The following CDK8 variants were observed in gnomAD, a reference collection of about 807,000 sequenced individuals.
The protein encoded by CDK8 is cyclin-dependent kinase 8.
CDK8 carries 29 observed loss-of-function variants against 71.5 expected under a neutral mutation model. The ratio of observed to expected loss-of-function variants is 0.41; its 90% CI spans 0.30 to 0.55. The LOEUF (loss-of-function observed/expected upper bound fraction) is 0.55. Ranked by LOEUF, CDK8 falls within the 20% of genes least tolerant of loss-of-function variation. CDK8 has a pLI of 0.37. For synonymous variants in CDK8, 161 were observed against 192.1 expected, an observed-to-expected ratio of 0.84 and a Z score of 1.34; for missense variants, 288 against 572.6, an observed-to-expected ratio of 0.50 and a Z score of 5.07.
At chr13:26,352,237 A>G (rs1173675149) in intron 3 of CDK8, among the ~76,000 whole-genome samples, 1 of 151,600 alleles carries the variant, frequency 6.6e-6, no homozygotes, top group Non-Finnish European at 1.5e-5. Context: ...TGTTTTTGAG[A>G]TGGAGTCTCG....
chr13:26,371,562 A>T (rs1340757347), intron 4 of CDK8, among the ~76,000 whole-genome samples: 1 of 152,198 alleles, frequency 6.6e-6, no homozygotes, highest in Non-Finnish European at 1.5e-5. Context: ...TACAGCAGAG[A>T]ACTAATGGTC....
intron 1 of CDK8, among the ~76,000 whole-genome samples, chr13:26,289,402 T>C (rs776864198): frequency 5.3e-5 from 8 of 152,180 alleles, no homozygotes; most frequent in Non-Finnish European, 1.0e-4. Flanking sequence ...TTTATTACAT[T>C]TATACGTAGG....
At chr13:26,277,475 T>C (rs1194098487) in intron 1 of CDK8, among the ~76,000 whole-genome samples, 1 of 152,184 alleles carries the variant, frequency 6.6e-6, no homozygotes, top group Non-Finnish European at 1.5e-5. Flanking sequence ...TCATAGTACC[T>C]TTTTACTTTT....
At chr13:26,386,886 C>T (rs573668116) in intron 6 of CDK8, among the ~76,000 whole-genome samples, 2 of 152,254 alleles carry the variant, frequency 1.3e-5, no homozygotes, top group South Asian at 4.1e-4. Context: ...GATTTCTCAT[C>T]CTTGTATTTC....
chr13:26,304,397 T>C (rs1386004181), intron 1 of CDK8, among the ~76,000 whole-genome samples: 1 of 152,188 alleles, frequency 6.6e-6, no homozygotes, highest in Non-Finnish European at 1.5e-5. Context: ...CTTTCATGCT[T>C]TCTATTTATC....
At chr13:26,320,877 G>T (rs1156244732) in intron 1 of CDK8, among the ~76,000 whole-genome samples, 1 of 152,196 alleles carries the variant, frequency 6.6e-6, no homozygotes, top group Non-Finnish European at 1.5e-5. Context: ...AATGACAGTT[G>T]TTGGCAAGAA....
chr13:26,357,972 CT>C, intron 4 of CDK8, among the ~76,000 whole-genome samples: 1 of 152,296 alleles, frequency 6.6e-6, no homozygotes, highest in African/African-American at 2.4e-5. Context: ...GACCAAACAT[CT>C]GGGCACTATG....
chr13:26,384,907 C>G (rs1471405096), intron 5 of CDK8, among the ~76,000 whole-genome samples: 3 of 152,174 alleles, frequency 2.0e-5, no homozygotes, highest in Non-Finnish European at 4.4e-5. Context: ...GCTCAACAAC[C>G]CTGTCCCTAA....
At chr13:26,380,417 G>A (rs1169984702) in intron 4 of CDK8, among the ~76,000 whole-genome samples, 2 of 152,058 alleles carry the variant, frequency 1.3e-5, no homozygotes, top group African/African-American at 2.4e-5. Context: ...CTGACCTCAG[G>A]CGACCCGCCC....
rs562547984 is a variant in CDK8 at position 26,307,255 on chromosome 13, A to C, written c.129-30312A>C. ...ATGGTTTCTAATCAGCTGATTTCAG[A>C]AGAGGAAGATTATTCTGGATTATGT... On this transcript the variant is annotated intron_variant, in intron 1 of 12. Transcript: ENST00000381527. Among the ~76,000 whole-genome samples the C allele has an allele frequency of 2.6e-5, 4 of 152,292 alleles. No homozygotes were observed. In the South Asian group the frequency reaches 8.3e-4, roughly 32 times the overall value.
rs1876416363 is a variant in CDK8 at position 26,404,384 on chromosome 13, G to A, written c.*303G>A. On this transcript the variant is annotated 3_prime_UTR_variant, in exon 13 of 13. Coordinates refer to ENST00000381527, the MANE Select transcript of CDK8 (RefSeq NM_001260.3). ...TTTTTTTCAGTGACAGTCTGTAGCA[G>A]TTGAAGCTGTGAATGTGCTAGGGGC... 9.8e-6 allele frequency: 3 copies of A among 307,250 alleles called. No individual in the cohort carries two copies. In the East Asian group the frequency reaches 1.4e-4, roughly 15 times the overall value. The allele number at this position is 307,250 out of a possible 1,614,324, so 19.0% of individuals were successfully genotyped here. A position where few individuals can be genotyped will look rare whatever the true frequency, so the allele number is the denominator to read the frequency against.
chr13:26,262,654 A>T (rs1871823825), intron 1 of CDK8, among the ~76,000 whole-genome samples: 1 of 152,222 alleles, frequency 6.6e-6, no homozygotes, highest in Non-Finnish European at 1.5e-5. Flanking sequence ...AGCCACTAGA[A>T]ATAATATTTT....
intron 1 of CDK8, among the ~76,000 whole-genome samples, chr13:26,292,885 T>C (rs1565960333): frequency 6.6e-6 from 1 of 152,258 alleles, no homozygotes; most frequent in African/African-American, 2.4e-5. Context: ...TTAAGAACTC[T>C]TATGTTTCTT....
At chr13:26,314,160 C>T (rs1210114996) in intron 1 of CDK8, among the ~76,000 whole-genome samples, 1 of 152,204 alleles carries the variant, frequency 6.6e-6, no homozygotes, top group African/African-American at 2.4e-5. Context: ...GGATGGCCAT[C>T]ATTTTAACCT....
intron 1 of CDK8, among the ~76,000 whole-genome samples, chr13:26,271,491 A>G (rs1237855580): frequency 6.6e-6 from 1 of 152,186 alleles, no homozygotes; most frequent in Non-Finnish European, 1.5e-5. Context: ...TAGAAAAGGT[A>G]TAGTAAAAAT....
intron 5 of CDK8, among the ~76,000 whole-genome samples, 160 bp downstream of exon 5, chr13:26,383,031 A>G (rs1875306271): frequency 6.6e-6 from 1 of 152,196 alleles, no homozygotes; most frequent in Non-Finnish European, 1.5e-5. Context: ...AAAATGTTTC[A>G]CACTCTTGAA....
In CDK8 at chr13:26,271,154, A is replaced by G. The variant is rs141736235; in HGVS notation, c.128+16385A>G. Among the ~76,000 whole-genome samples, 889 of 152,282 alleles carry G rather than the reference A, an allele frequency of 5.8e-3. 9 individuals carry two copies. The highest frequency in any genetic ancestry group is 0.02 in the African/African-American group (841 of 41,552). On this transcript the variant is annotated intron_variant, in intron 1 of 12. Transcript: ENST00000381527. ...TTCAAATGCTTTGCTGTTTAAAATT[A>G]GGTTGTCTTTTTAGTAGTTAGTTGT...
chr13:26,268,569 G>T (rs933206090), intron 1 of CDK8, among the ~76,000 whole-genome samples: 1 of 152,044 alleles, frequency 6.6e-6, no homozygotes, highest in Non-Finnish European at 1.5e-5. Context: ...TCCTGCCTCA[G>T]CCTCCTGAGT....
At chr13:26,314,086 A>G (rs1285165464) in intron 1 of CDK8, among the ~76,000 whole-genome samples, 2 of 152,132 alleles carry the variant, frequency 1.3e-5, no homozygotes, top group Non-Finnish European at 1.5e-5. Flanking sequence ...GCTAATCCAG[A>G]GTTTTAAGGC....
Sources: gnomAD v4.1 joint callset for allele counts (sites outside exome capture counted in the v4.1 genomes callset) on GRCh38, gnomAD v4.1.1 for gene constraint, MANE v1.5 for transcripts, NCBI Gene and HGNC (gene_info 2026-07-23, HGNC 2026-07-21) for gene names.